The following UPF2 variants were observed in gnomAD, a reference collection of about 807,000 sequenced individuals.
The protein encoded by UPF2 is UPF2 regulator of nonsense mediated mRNA decay.
A neutral mutation model predicts 141.4 loss-of-function variants in UPF2; 17 were observed. That is an observed-to-expected ratio of 0.12 (90% confidence interval 0.08 to 0.18). The LOEUF is 0.18. UPF2 is among the 10% of genes least tolerant of loss of function. The pLI is 1.00. For missense variants in UPF2, 1,152 were observed against 1,515.9 expected (o/e 0.76, Z 3.99); for synonymous variants, 540 against 498.0 (o/e 1.08, Z -1.12).
intron 16 of UPF2, among the ~76,000 whole-genome samples, chr10:11,944,538 C>A (rs901867896): frequency 1.3e-5 from 2 of 152,176 alleles, no homozygotes; most frequent in East Asian, 1.9e-4. Flanking sequence ...CTTTTCCCCC[C>A]AAATGCATTA....
chr10:11,996,744 C>T (rs968961397), intron 8 of UPF2, among the ~76,000 whole-genome samples: 1 of 152,156 alleles, frequency 6.6e-6, no homozygotes, highest in African/African-American at 2.4e-5. Context: ...ATTCCCTCTC[C>T]CTTGCCCCAC....
intron 2 of UPF2, among the ~76,000 whole-genome samples, chr10:12,034,508 C>A (rs1464300392): frequency 1.3e-5 from 2 of 151,566 alleles, no homozygotes; most frequent in Non-Finnish European, 2.9e-5. Flanking sequence ...GAAAAAAAGT[C>A]TTTAAAAAAT....
At chr10:11,922,464 G>C (rs1832658067) in intron 21 of UPF2, among the ~76,000 whole-genome samples, 1 of 152,196 alleles carries the variant, frequency 6.6e-6, no homozygotes, top group Non-Finnish European at 1.5e-5. Flanking sequence ...GAATGAAAGA[G>C]AAGATTCAAG....
Position 11,920,490 on chromosome 10 carries a change from A to G in UPF2, c.*808T>C, listed in dbSNP as rs1177310681. On this transcript the variant is annotated 3_prime_UTR_variant, in exon 22 of 22. Coordinates refer to ENST00000357604, the MANE Select transcript of UPF2 (RefSeq NM_015542.4). The stretch of plus-strand genomic sequence containing the variant: ...TTGTCCTTCGTTCGTTTTCTGTGAC[A>G]TGTTGACGGGCATGTTTTGTTTTCA... The G allele has an allele frequency of 6.5e-6, 1 of 152,796 alleles. No homozygotes were observed. The highest frequency in any genetic ancestry group is 6.5e-5 in the Admixed American group (1 of 15,408). The allele number at this position is 152,796 out of a possible 1,614,324, so 9.5% of individuals were successfully genotyped here.
At chr10:11,929,744 A>C in intron 21 of UPF2, 121 bp downstream of exon 21, 1 of 1,404,148 alleles carries the variant, frequency 7.1e-7, no homozygotes, top group Non-Finnish European at 9.6e-7. Flanking sequence ...AAAATATCAA[A>C]GACTTTTCTA....
chr10:11,957,921 G>C (rs1260766398), intron 12 of UPF2, among the ~76,000 whole-genome samples: 1 of 152,232 alleles, frequency 6.6e-6, no homozygotes, highest in Non-Finnish European at 1.5e-5. Context: ...TATCAAGACT[G>C]AGGCTGTACG....
chr10:12,013,552 C>A (rs1252535701), intron 4 of UPF2, among the ~76,000 whole-genome samples: 1 of 152,086 alleles, frequency 6.6e-6, no homozygotes, highest in East Asian at 1.9e-4. Context: ...GGATTACAGG[C>A]ATGAGCCACT....
Position 11,982,863 on chromosome 10 carries a change from A to ACC in UPF2, c.1845-3700_1845-3699dup, listed in dbSNP as rs572850772. On this transcript the variant is annotated intron_variant, in intron 8 of 21. Coordinates refer to ENST00000357604, the MANE Select transcript of UPF2 (RefSeq NM_015542.4). Reference sequence around the variant, plus strand: ...TTGAACTCCCGACCTTAGGCGATCCACCCCCCTCAGCCTCCTAAAATGCTG... The same window carrying ACC: ...TTGAACTCCCGACCTTAGGCGATCCACCCCCCCCTCAGCCTCCTAAAATGCTG... 1.5e-3 allele frequency among the ~76,000 whole-genome samples: 232 copies of ACC among 150,766 alleles called. 1 individual carries two copies. Among genetic ancestry groups the ACC allele is most frequent in the African/African-American group, 5.2e-3 (214 of 40,960 alleles).
At chr10:11,990,366 C>T (rs903380354) in intron 8 of UPF2, among the ~76,000 whole-genome samples, 2 of 152,160 alleles carry the variant, frequency 1.3e-5, no homozygotes, top group African/African-American at 4.8e-5. Flanking sequence ...AAATGCAATG[C>T]CCATGCAGAA....
intron 9 of UPF2, among the ~76,000 whole-genome samples, chr10:11,968,899 C>T (rs1286712325): frequency 1.3e-5 from 2 of 152,220 alleles, no homozygotes; most frequent in South Asian, 4.1e-4. Context: ...CTCACTCTGT[C>T]GCCCAGGCTG....
intron 14 of UPF2, 80 bp downstream of exon 14, chr10:11,955,152 C>A (rs73571359): frequency 1.7e-5 from 22 of 1,312,754 alleles, no homozygotes; most frequent in Non-Finnish European, 2.1e-5. Context: ...AATACCATAA[C>A]GTTTCTTCTC....
intron 3 of UPF2, among the ~76,000 whole-genome samples, chr10:12,028,180 A>T (rs1834453696): frequency 6.6e-6 from 1 of 152,174 alleles, no homozygotes; most frequent in African/African-American, 2.4e-5. Flanking sequence ...CTCCTTTAGA[A>T]TTTTAAATGA....
rs1219843248 is a variant in UPF2 at position 11,920,953 on chromosome 10, T to C, written c.*345A>G. On this transcript the variant is annotated 3_prime_UTR_variant, in exon 22 of 22. Coordinates refer to ENST00000357604, the MANE Select transcript of UPF2 (RefSeq NM_015542.4). ...CCCACACCATTACCATCACAACCCG[T>C]TTCTTCTCTGGCTCAATCATCTCCT... The C allele has an allele frequency of 7.2e-6, 4 of 552,310 alleles. No individual in the cohort carries two copies. The highest frequency in any genetic ancestry group is 9.3e-5 in the East Asian group (2 of 21,454). 34.2% of individuals were successfully genotyped at this position (552,310 alleles called of 1,614,324 possible). A position where few individuals can be genotyped will look rare whatever the true frequency, so the allele number is the denominator to read the frequency against.
At chr10:11,962,600 TTCTC>T (rs1444621583) in intron 11 of UPF2, among the ~76,000 whole-genome samples, 1 of 152,210 alleles carries the variant, frequency 6.6e-6, no homozygotes, top group African/African-American at 2.4e-5. Context: ...CTTCTGACTG[TTCTC>T]TCTACCTCGG....
intron 2 of UPF2, among the ~76,000 whole-genome samples, chr10:12,031,648 T>G (rs923037019): frequency 6.6e-6 from 1 of 152,092 alleles, no homozygotes; most frequent in Non-Finnish European, 1.5e-5. Context: ...TGGTGGCACA[T>G]GCCTGTAGTC....
rs758885533 is a variant in UPF2 at position 11,955,281 on chromosome 10, T to C, written c.2801A>G (p.Asp934Gly). 6.2e-7 allele frequency: 1 copy of C among 1,602,580 alleles called. No homozygotes were observed. Among genetic ancestry groups the C allele is most frequent in the Non-Finnish European group, 8.5e-7 (1 of 1,173,630 alleles). ...TILDTCGQYF[D>G]RGSSKRKLDC... Reference sequence around the variant, plus strand: ...AAGTTTTCGTTTACTGGAACCTCTGTCAAAGTACTGGCCACATGTGTCCAG... The same window carrying C: ...AAGTTTTCGTTTACTGGAACCTCTGCCAAAGTACTGGCCACATGTGTCCAG... Residue 934 changes from aspartate to glycine, a missense_variant, in exon 14 of 22, where the codon GAC becomes GGC. By Grantham distance (94) the Asp-to-Gly change is moderately conservative. This residue lies in a region of UPF2 where 739 missense variants were observed against 1,032.2 expected (regional missense o/e 0.72). Transcript: ENST00000357604.
At chr10:12,033,898 C>T (rs1018084719) in intron 2 of UPF2, among the ~76,000 whole-genome samples, 1 of 152,152 alleles carries the variant, frequency 6.6e-6, no homozygotes, top group African/African-American at 2.4e-5. Flanking sequence ...ACAGTAGTCA[C>T]TGCTGATGCA....
intron 15 of UPF2, among the ~76,000 whole-genome samples, chr10:11,948,752 C>A (rs1588532526): frequency 6.6e-6 from 1 of 152,166 alleles, no homozygotes; most frequent in African/African-American, 2.4e-5. Flanking sequence ...TGTGTGTATA[C>A]TTTTCCCTCT....
At chr10:12,024,384 C>T (rs1254730729) in intron 3 of UPF2, among the ~76,000 whole-genome samples, 1 of 151,710 alleles carries the variant, frequency 6.6e-6, no homozygotes, top group Non-Finnish European at 1.5e-5. Context: ...CCAAGGCAGG[C>T]AGATCATCTG....
Sources: gnomAD v4.1 joint callset for allele counts (sites outside exome capture counted in the v4.1 genomes callset) on GRCh38, gnomAD v4.1.1 for gene constraint, gnomAD v4.1.1 regional missense constraint, MANE v1.5 for transcripts, NCBI Gene and HGNC (gene_info 2026-07-23, HGNC 2026-07-21) for gene names.